HS1BP3: variants seen among roughly 807,000 people sequenced by gnomAD.
HS1BP3 encodes HCLS1 binding protein 3.
In HS1BP3, 32 loss-of-function variants were observed where a neutral mutation model predicts 33.5. The ratio of observed to expected loss-of-function variants is 0.95; its 90% CI spans 0.72 to 1.28. The LOEUF is 1.28. Ranked by LOEUF, HS1BP3 falls within the 50% of genes most tolerant of loss-of-function variation. HS1BP3 has a pLI of 0.00. For missense variants in HS1BP3, 486 were observed against 502.3 expected, an observed-to-expected ratio of 0.97 and a Z score of 0.31; for synonymous variants, 187 against 209.2, an observed-to-expected ratio of 0.89 and a Z score of 0.92.
At chr2:20,596,909 G>T (rs1693956031) in intron 3 of HS1BP3, among the ~76,000 whole-genome samples, 4 of 152,174 alleles carry the variant, frequency 2.6e-5, no homozygotes, top group Admixed American at 2.6e-4. Flanking sequence ...CAGACCCGTG[G>T]CAGCCAGCAG....
At chr2:20,630,174 C>T (rs528389383) in intron 4 of HS1BP3, among the ~76,000 whole-genome samples, 2 of 152,366 alleles carry the variant, frequency 1.3e-5, no homozygotes, top group Admixed American at 6.5e-5. Flanking sequence ...CGGAAATCCA[C>T]CTCCTTGCCA....
At chr2:20,601,682 A>G (rs1694072050) in intron 2 of HS1BP3, among the ~76,000 whole-genome samples, 1 of 150,418 alleles carries the variant, frequency 6.6e-6, no homozygotes. Flanking sequence ...GTCTTCCACC[A>G]TGATTGTGAG....
chr2:20,638,619 C>T lies in HS1BP3; in HGVS notation c.440G>A (p.Ser147Asn). 1 of 1,614,180 alleles carries T rather than the reference C, an allele frequency of 6.2e-7. No homozygotes were observed. The change falls in exon 4 of 7, where the codon AGC (serine) becomes AAC (asparagine). Residue 147 changes from serine (S) to asparagine (N), a missense_variant. By Grantham distance (46) the Ser-to-Asn change is conservative (BLOSUM62 1). Coordinates refer to ENST00000304031, the MANE Select transcript of HS1BP3 (RefSeq NM_022460.4). ...GCCATCCAGGACAGAGGAATCTCTG[C>T]TGGTGAGCCCTGCAGCCCCTGGGGA... ...TRSPGAAGLT[S>N]RDSSVLDGTD...
chr2:20,631,168 T>G (rs1480422369), intron 4 of HS1BP3, among the ~76,000 whole-genome samples: 1 of 152,118 alleles, frequency 6.6e-6, no homozygotes, highest in African/African-American at 2.4e-5. Flanking sequence ...TGGTGATGTC[T>G]AGGCTCACTT....
chr2:20,615,938 G>A (rs750788104), downstream of HS1BP3, among the ~76,000 whole-genome samples: 1 of 152,192 alleles, frequency 6.6e-6, no homozygotes, highest in Non-Finnish European at 1.5e-5. Flanking sequence ...GTGCTCTCCA[G>A]GGGGGCCCAT....
chr2:20,565,548 T>C (rs1693105050), intron 5 of HS1BP3, among the ~76,000 whole-genome samples: 1 of 152,196 alleles, frequency 6.6e-6, no homozygotes, highest in Non-Finnish European at 1.5e-5. Flanking sequence ...CTGGCAGCCA[T>C]CTGTAGCCTC....
intron 4 of HS1BP3, among the ~76,000 whole-genome samples, chr2:20,630,129 G>A (rs1394230042): frequency 6.6e-6 from 1 of 152,264 alleles, no homozygotes; most frequent in Admixed American, 6.5e-5. Context: ...TGGACAGCAT[G>A]AGTCTTCAAA....
intron 2 of HS1BP3, among the ~76,000 whole-genome samples, chr2:20,609,838 C>G (rs758321040): frequency 2.6e-5 from 4 of 152,158 alleles, no homozygotes; most frequent in Admixed American, 6.5e-5. Flanking sequence ...GTGCCCCCAG[C>G]CCCTTGACTC....
chr2:20,572,569 T>C (rs1693300515), intron 5 of HS1BP3, among the ~76,000 whole-genome samples: 1 of 151,414 alleles, frequency 6.6e-6, no homozygotes, highest in Non-Finnish European at 1.5e-5. Flanking sequence ...GGTCAGGTTA[T>C]GAAAGCTCTT....
At chr2:20,640,544 C>A in intron 3 of HS1BP3, 1 of 430,168 alleles carries the variant, frequency 2.3e-6, no homozygotes, top group South Asian at 8.2e-5. Flanking sequence ...TCCCCAGGGG[C>A]AGGTCACCAG....
At chr2:20,557,695 G>T (rs1389280429), downstream of HS1BP3, among the ~76,000 whole-genome samples, 2 of 152,216 alleles carry the variant, frequency 1.3e-5, no homozygotes, top group Non-Finnish European at 1.5e-5. Context: ...GTGCTCTGCA[G>T]GTTTCTAGAG....
At chr2:20,616,322 G>A (rs1272347560), downstream of HS1BP3, among the ~76,000 whole-genome samples, 1 of 152,214 alleles carries the variant, frequency 6.6e-6, no homozygotes, top group Non-Finnish European at 1.5e-5. Context: ...GGCTCCCTGA[G>A]AACCTGTTTC....
chr2:20,582,570 C>T (rs751849606), intron 5 of HS1BP3, among the ~76,000 whole-genome samples: 1 of 152,080 alleles, frequency 6.6e-6, no homozygotes, highest in Non-Finnish European at 1.5e-5. Context: ...GCAGTGCTCC[C>T]CCTCATGTCA....
rs190811163 is a variant in HS1BP3, at chr2:20,646,842, C to T, written c.33-1337G>A. On this transcript the variant is annotated intron_variant, in intron 1 of 6. Transcript: ENST00000304031. Reference sequence around the variant, plus strand: ...GGATGCACCTGTGTGAAGTCACTTCCGCCTCCTGCAACCCTGCGAAGGAGC... The same window carrying T: ...GGATGCACCTGTGTGAAGTCACTTCTGCCTCCTGCAACCCTGCGAAGGAGC... Among the ~76,000 whole-genome samples, 240 of 152,340 alleles carry T rather than the reference C, an allele frequency of 1.6e-3. 1 individual carries two copies. The highest frequency in any genetic ancestry group is 1.8e-3 in the Non-Finnish European group (122 of 68,028).
rs35644786 is a variant in HS1BP3, at chr2:20,601,770, C to CTTTTTT, written c.179-3511_179-3506dup. On this transcript the variant is annotated intron_variant, in intron 2 of 3. Transcript: ENST00000415264. ...ATCACCCAGTTTTCAAGTGTGTCTT[C>CTTTTTT]TTTTTTTTTTTTTTTTTTTTTTTTT... 1.1e-3 allele frequency among the ~76,000 whole-genome samples: 79 copies of CTTTTTT among 69,146 alleles called. 15 individuals carry two copies. Among genetic ancestry groups the CTTTTTT allele is most frequent in the South Asian group, 2.3e-3 (3 of 1,292 alleles). 45.4% of individuals were successfully genotyped at this position (69,146 alleles called of 152,430 possible). A position where few individuals can be genotyped will look rare whatever the true frequency, so the allele number is the denominator to read the frequency against.
At chr2:20,558,752 A>G (rs1228548823), downstream of HS1BP3, among the ~76,000 whole-genome samples, 1 of 152,138 alleles carries the variant, frequency 6.6e-6, no homozygotes, top group Non-Finnish European at 1.5e-5. Flanking sequence ...CTGGAGCAAG[A>G]TGGTTACAGG....
chr2:20,647,540 G>A (rs192767642), intron 1 of HS1BP3, among the ~76,000 whole-genome samples: 2 of 152,166 alleles, frequency 1.3e-5, no homozygotes, highest in Admixed American at 6.5e-5. Context: ...GATCAGCATC[G>A]CCTGGGAACT....
downstream of HS1BP3, chr2:20,590,923 C>G (rs186285304): frequency 3.6e-5 from 6 of 167,316 alleles, no homozygotes; most frequent in East Asian, 1.2e-3. Context: ...GATTCCTATT[C>G]AATAAAGGGA....
chr2:20,638,521 C>A lies in HS1BP3; in HGVS notation c.538G>T (p.Gly180Cys). ...CCCTTCAGGCTCTGGACGGGCGGAC[C>A]CTCTTCTGCCACTTGGTCTTGCTCC... The part of the protein sequence containing the change: ...FEEQDQVAEE[G>C]PPVQSLKGED... Residue 180 changes from glycine to cysteine, a missense_variant, in exon 4 of 7, where the codon GGT (glycine) becomes TGT (cysteine). Gly to Cys is a radical substitution (Grantham distance 159). Coordinates refer to ENST00000304031, the MANE Select transcript of HS1BP3 (RefSeq NM_022460.4). 1.5e-5 allele frequency: 24 copies of A among 1,614,236 alleles called. No individual in the cohort carries two copies. Among genetic ancestry groups the A allele is most frequent in the Non-Finnish European group, 2.0e-5 (24 of 1,180,046 alleles).
Sources: gnomAD v4.1 joint callset for allele counts (sites outside exome capture counted in the v4.1 genomes callset) on GRCh38, gnomAD v4.1.1 for gene constraint, MANE v1.5 for transcripts, NCBI Gene and HGNC (gene_info 2026-07-23, HGNC 2026-07-21) for gene names.